CACNA1C: variants seen among roughly 807,000 people sequenced by gnomAD.
The protein encoded by CACNA1C is calcium voltage-gated channel subunit alpha1 C.
In CACNA1C, 30 loss-of-function variants were observed where a neutral mutation model predicts 229.0. That is an observed-to-expected ratio of 0.13 (90% confidence interval 0.10 to 0.18). The LOEUF (loss-of-function observed/expected upper bound fraction) is 0.18. Among genes scored for constraint, CACNA1C ranks in the 10% least tolerant of loss-of-function variants. CACNA1C has a pLI of 1.00. For missense variants in CACNA1C, 1,658 were observed against 2,845.0 expected (o/e 0.58, Z 9.49); for synonymous variants, 1,114 against 1,132.5 (o/e 0.98, Z 0.33).
At chr12:2,534,390 A>G (rs2099848287) in intron 9 of CACNA1C, among the ~76,000 whole-genome samples, 1 of 152,192 alleles carries the variant, frequency 6.6e-6, no homozygotes, top group Admixed American at 6.5e-5. Flanking sequence ...GTGATGTGAC[A>G]TGGTGAAGTC....
rs1169314522 is a variant in CACNA1C at position 2,135,445 on chromosome 12, CT to C, written c.477+15019del. On this transcript the variant is annotated intron_variant, in intron 3 of 46. Transcript: ENST00000399655. ...TTCCCCATCTTTGTGGTTTTATCTA[CT>C]TTTGGTCTTTGATGATGGTGATGTA... 1.1e-4 allele frequency among the ~76,000 whole-genome samples: 16 copies of C among 139,368 alleles called. 1 individual carries two copies. The highest frequency in any genetic ancestry group is 2.3e-4 in the Non-Finnish European group (15 of 65,698). 91.4% of individuals were successfully genotyped at this position (139,368 alleles called of 152,430 possible). A position where few individuals can be genotyped will look rare whatever the true frequency, so the allele number is the denominator to read the frequency against.
At chr12:2,616,967 C>A (rs1253074381) in intron 29 of CACNA1C, among the ~76,000 whole-genome samples, 1 of 152,262 alleles carries the variant, frequency 6.6e-6, no homozygotes, top group Admixed American at 6.5e-5. Flanking sequence ...ACACAAAGGA[C>A]GTGGCTGGCA....
intron 1 of CACNA1C, among the ~76,000 whole-genome samples, chr12:2,005,844 AG>A (rs1363446108): frequency 3.3e-5 from 5 of 152,246 alleles, no homozygotes; most frequent in Admixed American, 2.0e-4. Flanking sequence ...GATTTCAGAT[AG>A]TACATTGCAG....
Position 2,604,811 on chromosome 12 carries a change from C to T in CACNA1C, c.2961-270C>T, listed in dbSNP as rs527609427. Among the ~76,000 whole-genome samples the T allele has an allele frequency of 7.2e-5, 11 of 152,300 alleles. No individual in the cohort carries two copies. The East Asian group carries it at 1.7e-3, about 24-fold the overall frequency. On this transcript the variant is annotated intron_variant, in intron 22 of 46. Transcript: ENST00000399655. ...ACTGTGAATGCCCCTGTGAGTAGCA[C>T]AGTACATTGCTAATGACCTGCCATG...
chr12:2,061,589 A>T (rs963700735), intron 1 of CACNA1C, among the ~76,000 whole-genome samples: 7 of 152,114 alleles, frequency 4.6e-5, no homozygotes, highest in African/African-American at 1.7e-4. Context: ...GGACATGGGG[A>T]TGCAGGGTAT....
intron 3 of CACNA1C, among the ~76,000 whole-genome samples, chr12:2,271,306 C>A (rs991991457): frequency 6.6e-6 from 1 of 152,202 alleles, no homozygotes; most frequent in Admixed American, 6.5e-5. Context: ...CAAGGTGCAG[C>A]CCCAGAGCGG....
chr12:2,086,723 T>C (rs1286636930), intron 1 of CACNA1C, among the ~76,000 whole-genome samples: 3 of 152,144 alleles, frequency 2.0e-5, no homozygotes, highest in South Asian at 2.1e-4. Context: ...ATTCAGCTAA[T>C]GTATGGAGAA....
chr12:2,499,461 C>T lies in CACNA1C; in HGVS notation c.1114-5381C>T, dbSNP rs564000044. ...GTCTGCTGGGCTGGGGAGTTGGCCT[C>T]GAGGAGAGGGGCTAGGGAAGCTTAT... On this transcript the variant is annotated intron_variant, in intron 7 of 46. Coordinates refer to ENST00000399655, the MANE Select transcript of CACNA1C (RefSeq NM_000719.7). 4.3e-4 allele frequency among the ~76,000 whole-genome samples: 65 copies of T among 152,242 alleles called. 1 individual carries two copies. In the South Asian group the frequency reaches 0.011, roughly 27 times the overall value.
intron 1 of CACNA1C, among the ~76,000 whole-genome samples, chr12:2,003,483 T>C (rs1355071869): frequency 6.6e-6 from 1 of 152,244 alleles, no homozygotes; most frequent in Admixed American, 6.5e-5. Context: ...TACATGTCTC[T>C]ACATTCGAGT....
intron 3 of CACNA1C, among the ~76,000 whole-genome samples, chr12:2,423,281 C>G (rs2154556646): frequency 6.6e-6 from 1 of 152,254 alleles, no homozygotes; most frequent in Middle Eastern, 3.4e-3. Flanking sequence ...ACCACAGTCA[C>G]ATGACTCTGG....
chr12:2,050,470 T>C (rs1054931879), upstream of CACNA1C, among the ~76,000 whole-genome samples: 1 of 152,216 alleles, frequency 6.6e-6, no homozygotes, highest in African/African-American at 2.4e-5. Flanking sequence ...TAGTGTTAGC[T>C]ATTATTATTA....
In CACNA1C at chr12:2,343,909, C is replaced by G. The variant is rs2096932852; in HGVS notation, c.478-105067C>G. On this transcript the variant is annotated intron_variant, in intron 3 of 46. Transcript: ENST00000399655. Reference sequence around the variant, plus strand: ...TTACTTTGACTGTAAAAGTGTATTACTTTTTGACTGCAACAATGTTTCATC... The same window carrying G: ...TTACTTTGACTGTAAAAGTGTATTAGTTTTTGACTGCAACAATGTTTCATC... 3.3e-5 allele frequency among the ~76,000 whole-genome samples: 5 copies of G among 152,150 alleles called. 1 individual carries two copies. In the South Asian group the frequency reaches 1.0e-3, roughly 32 times the overall value.
chr12:2,668,515 C>T (rs1455727316), intron 37 of CACNA1C: 1 of 173,212 alleles, frequency 5.8e-6, no homozygotes, highest in Non-Finnish European at 1.2e-5. Flanking sequence ...TATAAGAAAA[C>T]AGGTTTAATT....
intron 3 of CACNA1C, among the ~76,000 whole-genome samples, chr12:2,418,736 C>A (rs2098942449): frequency 6.6e-6 from 1 of 152,118 alleles, no homozygotes; most frequent in Admixed American, 6.5e-5. Context: ...AGCTGACACC[C>A]CTGGACAACT....
intron 28 of CACNA1C, among the ~76,000 whole-genome samples, chr12:2,610,933 G>C (rs1005163873): frequency 5.3e-5 from 8 of 152,150 alleles, no homozygotes; most frequent in Admixed American, 2.0e-4. Flanking sequence ...GGAGAAGGGA[G>C]GGTTGAGCTG....
intron 9 of CACNA1C, among the ~76,000 whole-genome samples, chr12:2,549,412 A>G (rs2099891962): frequency 6.6e-6 from 1 of 152,132 alleles, no homozygotes; most frequent in South Asian, 2.1e-4. Context: ...CCTGGGTGTA[A>G]CCAACTGCCG....
At chr12:2,243,793 T>C (rs2071708244) in intron 3 of CACNA1C, among the ~76,000 whole-genome samples, 1 of 152,246 alleles carries the variant, frequency 6.6e-6, no homozygotes, top group Admixed American at 6.5e-5. Context: ...GTTTTGCCAA[T>C]GCTGGGCACT....
At chr12:2,365,789 CAA>C (rs1567265774) in intron 3 of CACNA1C, among the ~76,000 whole-genome samples, 1 of 152,078 alleles carries the variant, frequency 6.6e-6, no homozygotes, top group Non-Finnish European at 1.5e-5. Context: ...TTGAAACTTC[CAA>C]TCACATTGTA....
At chr12:2,424,319 G>A (rs985811809) in intron 3 of CACNA1C, among the ~76,000 whole-genome samples, 44 of 152,120 alleles carry the variant, frequency 2.9e-4, no homozygotes, top group Non-Finnish European at 5.6e-4. Context: ...CAGAGAAGAG[G>A]CAGAAAGAAA....
Sources: allele counts gnomAD v4.1 joint callset (sites outside exome capture counted in the v4.1 genomes callset), GRCh38; gene constraint gnomAD v4.1.1; transcripts MANE v1.5; gene names NCBI Gene and HGNC (gene_info 2026-07-23, HGNC 2026-07-21).